RXFP1: variants seen among roughly 807,000 people sequenced by gnomAD.
RXFP1 encodes relaxin receptor 1.
Under a neutral mutation model 89.8 loss-of-function variants are expected in RXFP1, and 73 were observed. The ratio of observed to expected loss-of-function variants is 0.81; its 90% CI spans 0.67 to 0.99. RXFP1 has a LOEUF of 0.99. Among genes scored for constraint, RXFP1 ranks in the 50% least tolerant of loss-of-function variants. The pLI is 0.00. For synonymous variants in RXFP1, 277 were observed against 305.5 expected (o/e 0.91, Z 0.97); for missense variants, 793 against 895.5 (o/e 0.89, Z 1.46).
intron 1 of RXFP1, among the ~76,000 whole-genome samples, chr4:158,552,834 G>A (rs1444843958): frequency 6.6e-6 from 1 of 152,140 alleles, no homozygotes; most frequent in East Asian, 1.9e-4. Context: ...TACAACTAGA[G>A]GTTAATGTTA....
At chr4:158,610,792 C>T (rs1763438571) in intron 6 of RXFP1, 2 of 1,001,686 alleles carry the variant, frequency 2.0e-6, no homozygotes, top group African/African-American at 1.7e-5. Context: ...ACTGTGCCCA[C>T]CTGGGCTCCA....
chr4:158,602,748 A>G (rs1761919823), intron 4 of RXFP1, among the ~76,000 whole-genome samples: 1 of 152,152 alleles, frequency 6.6e-6, no homozygotes, highest in Non-Finnish European at 1.5e-5. Flanking sequence ...TAATGAATGA[A>G]TGAATGAACA....
chr4:158,561,634 T>C (rs955166130), intron 1 of RXFP1, among the ~76,000 whole-genome samples: 6 of 144,076 alleles, frequency 4.2e-5, no homozygotes, highest in East Asian at 1.9e-4. Flanking sequence ...TTCTTTTTTT[T>C]TTTTTTTTTT....
intron 2 of RXFP1, among the ~76,000 whole-genome samples, chr4:158,591,187 G>A (rs1331433279): frequency 1.3e-5 from 2 of 152,156 alleles, no homozygotes; most frequent in Non-Finnish European, 2.9e-5. Flanking sequence ...GAATACGAAA[G>A]CATTCTAAAG....
At chr4:158,527,452 A>G (rs1742806348) in intron 1 of RXFP1, among the ~76,000 whole-genome samples, 1 of 151,162 alleles carries the variant, frequency 6.6e-6, no homozygotes, top group South Asian at 2.1e-4. Flanking sequence ...CTGAGGCTGG[A>G]GAATCGCTTG....
At chr4:158,581,127 C>T (rs553786749) in intron 2 of RXFP1, among the ~76,000 whole-genome samples, 8 of 152,090 alleles carry the variant, frequency 5.3e-5, no homozygotes, top group Non-Finnish European at 1.0e-4. Context: ...TCTAACCCTC[C>T]TAGGAATATT....
chr4:158,648,287 T>C lies in RXFP1; in HGVS notation c.1757-212T>C, dbSNP rs566578847. 2.0e-5 allele frequency among the ~76,000 whole-genome samples: 3 copies of C among 152,366 alleles called. No homozygotes were observed. In the East Asian group the frequency reaches 5.8e-4, roughly 29 times the overall value. On this transcript the variant is annotated intron_variant, in intron 16 of 17. Transcript: ENST00000307765. ...TTTAAAAGTAAACATTTTATCATTC[T>C]TCACTACTTCCACAAAACCTCATCT...
At chr4:158,626,637 G>T (rs560458100) in intron 9 of RXFP1, among the ~76,000 whole-genome samples, 183 bp from the exon 10 acceptor site, 27 of 152,032 alleles carry the variant, frequency 1.8e-4, no homozygotes, top group African/African-American at 4.8e-4. Flanking sequence ...ATAGAAAAAA[G>T]TGTATAATAT....
chr4:158,624,776 A>T (rs997744729), intron 9 of RXFP1, among the ~76,000 whole-genome samples: 1 of 152,154 alleles, frequency 6.6e-6, no homozygotes, highest in East Asian at 1.9e-4. Flanking sequence ...ATTCATATGT[A>T]TGCTCATATA....
At chr4:158,644,598 A>T (rs1771154272) in intron 14 of RXFP1, among the ~76,000 whole-genome samples, 1 of 152,100 alleles carries the variant, frequency 6.6e-6, no homozygotes, top group African/African-American at 2.4e-5. Context: ...CATTGCGAGT[A>T]CGATAACGGT....
At chr4:158,622,853 G>T (rs559250486) in intron 9 of RXFP1, among the ~76,000 whole-genome samples, 2 of 152,238 alleles carry the variant, frequency 1.3e-5, no homozygotes, top group Middle Eastern at 6.8e-3. Flanking sequence ...TAGAGTTCAG[G>T]CACTCTTACC....
intron 2 of RXFP1, among the ~76,000 whole-genome samples, chr4:158,591,294 A>G (rs1481590705): frequency 6.6e-6 from 1 of 152,118 alleles, no homozygotes; most frequent in Non-Finnish European, 1.5e-5. Context: ...ACTCTTTCAA[A>G]TTTCCTTCTC....
At chr4:158,628,515 A>G (rs1293726032) in intron 10 of RXFP1, 123 bp from the exon 11 acceptor site, 1 of 427,472 alleles carries the variant, frequency 2.3e-6, no homozygotes, top group Non-Finnish European at 4.3e-6. Flanking sequence ...CTACTTCAAA[A>G]TGTCTTTATG....
Position 158,626,817 on chromosome 4 carries a change from C to T in RXFP1, c.756-3C>T, listed in dbSNP as rs756317209. ...GCTGTATCGTTTTATTTTTATGTTC[C>T]AGGGACCTTGAAGGCAACCATATCC... is the stretch of plus-strand genomic sequence containing the variant. On this transcript the variant is annotated splice_polypyrimidine_tract_variant and splice_region_variant and intron_variant, in intron 9 of 17. Coordinates refer to ENST00000307765, the MANE Select transcript of RXFP1 (RefSeq NM_021634.4). 7.1e-6 allele frequency: 11 copies of T among 1,539,822 alleles called. No homozygotes were observed. Among genetic ancestry groups the T allele is most frequent in the Non-Finnish European group, 9.7e-6 (11 of 1,130,532 alleles).
chr4:158,576,122 T>A (rs1219768747), intron 2 of RXFP1, among the ~76,000 whole-genome samples: 1 of 152,202 alleles, frequency 6.6e-6, no homozygotes, highest in Non-Finnish European at 1.5e-5. Context: ...TAAAGACATG[T>A]CTATGTAAAA....
At chr4:158,597,529 T>G (rs1760860289) in intron 3 of RXFP1, among the ~76,000 whole-genome samples, 1 of 152,204 alleles carries the variant, frequency 6.6e-6, no homozygotes, top group South Asian at 2.1e-4. Flanking sequence ...CATAATCAGG[T>G]ATCCATATTA....
At position 158,639,283 on chromosome 4, in the gene RXFP1, C is replaced by A. The variant is rs1769881102; in HGVS notation, c.1067C>A (p.Ser356Ter). The A allele has an allele frequency of 6.4e-7, 1 of 1,568,572 alleles. No homozygotes were observed. The highest frequency in any genetic ancestry group is 8.8e-7 in the Non-Finnish European group (1 of 1,138,750). Reference sequence around the variant, plus strand: ...AGCAGCCTAGAAGGGATTGAAATTTCAAATATCCAACAAAGGATGTTTAGA... The same window carrying A: ...AGCAGCCTAGAAGGGATTGAAATTTAAAATATCCAACAAAGGATGTTTAGA... The part of the protein sequence containing the change: ...KSLSLEGIEI[S>*]NIQQRMFRPL... The change falls in exon 14 of 18, where the codon TCA (serine) becomes TAA (stop). Residue 356 changes from serine (S) to a stop codon, truncating the protein, a stop_gained. Transcript: ENST00000307765. LOFTEE classifies it high-confidence loss of function.
At chr4:158,572,508 G>T (rs1450103269) in intron 1 of RXFP1, among the ~76,000 whole-genome samples, 190 bp from the exon 2 acceptor site, 2 of 152,224 alleles carry the variant, frequency 1.3e-5, no homozygotes, top group African/African-American at 4.8e-5. Flanking sequence ...GAAAATGTTG[G>T]CATCTTCTGG....
chr4:158,577,761 GTCTC>G (rs1170125838), intron 2 of RXFP1, among the ~76,000 whole-genome samples: 1 of 152,020 alleles, frequency 6.6e-6, no homozygotes, highest in Non-Finnish European at 1.5e-5. Flanking sequence ...ATTAAACTGA[GTCTC>G]TATATTTGAA....
Sources: gnomAD v4.1 joint callset for allele counts (sites outside exome capture counted in the v4.1 genomes callset) on GRCh38, gnomAD v4.1.1 for gene constraint, MANE v1.5 for transcripts, NCBI Gene and HGNC (gene_info 2026-07-23, HGNC 2026-07-21) for gene names.